The following OLFM3 variants were observed in gnomAD, a reference collection of about 807,000 sequenced individuals.
The protein encoded by OLFM3 is noelin-3.
Under a neutral mutation model 48.6 loss-of-function variants are expected in OLFM3, and 20 were observed. That is an observed-to-expected ratio of 0.41 (90% CI 0.29 to 0.60). The LOEUF is 0.60. Among genes scored for constraint, OLFM3 ranks in the 20% least tolerant of loss-of-function variants. OLFM3 has a pLI of 0.28. For synonymous variants in OLFM3, 222 were observed against 198.1 expected, an observed-to-expected ratio of 1.12 and a Z score of -1.01; for missense variants, 437 against 544.3, an observed-to-expected ratio of 0.80 and a Z score of 1.96.
Position 101,942,783 on chromosome 1 carries a change from A to T in OLFM3, c.69+53965T>A, listed in dbSNP as rs76919881. 6.6e-3 allele frequency among the ~76,000 whole-genome samples: 1,003 copies of T among 152,332 alleles called. 13 individuals are homozygous for T. The highest frequency in any genetic ancestry group is 0.023 in the African/African-American group (955 of 41,562). On this transcript the variant is annotated intron_variant, in intron 1 of 5. Transcript: ENST00000370103. The stretch of plus-strand genomic sequence containing the variant: ...AGTGACATTTGAATAATAGCATTGC[A>T]TTAAGAGAAGCCAAATTTCCATTCT...
chr1:101,949,597 T>A (rs1000897654), intron 1 of OLFM3, among the ~76,000 whole-genome samples: 1 of 152,084 alleles, frequency 6.6e-6, no homozygotes, highest in African/African-American at 2.4e-5. Context: ...AGTGACCTTT[T>A]TATAACAAAA....
intron 1 of OLFM3, among the ~76,000 whole-genome samples, chr1:101,892,581 C>T (rs978435135): frequency 3.9e-5 from 6 of 152,052 alleles, no homozygotes; most frequent in African/African-American, 1.2e-4. Flanking sequence ...TTCCTCCTCT[C>T]CCATTGCCAC....
At chr1:101,899,440 G>C (rs1298031008) in intron 1 of OLFM3, among the ~76,000 whole-genome samples, 1 of 152,134 alleles carries the variant, frequency 6.6e-6, no homozygotes, top group East Asian at 1.9e-4. Context: ...AATATTTAAG[G>C]CATAATTTTA....
intron 1 of OLFM3, among the ~76,000 whole-genome samples, chr1:101,971,459 G>T (rs1252524411): frequency 2.6e-5 from 4 of 152,130 alleles, no homozygotes; most frequent in Non-Finnish European, 5.9e-5. Context: ...CAAGTCTTCT[G>T]GTAAACTCAT....
At position 101,877,611 on chromosome 1, in the gene OLFM3, G is replaced by A. The variant is rs1218191896; in HGVS notation, c.70-40586C>T. ...TGGAATAGGAGAAGAAAGAGGGAAT[G>A]ATAAACAGGTAAAACCTACTTTGGG... On this transcript the variant is annotated intron_variant, in intron 1 of 5. Transcript: ENST00000370103. 1.2e-4 allele frequency among the ~76,000 whole-genome samples: 18 copies of A among 151,782 alleles called. No individual in the cohort carries two copies. In the East Asian group the frequency reaches 3.5e-3, roughly 29 times the overall value.
chr1:101,901,412 G>A (rs1198574756), intron 1 of OLFM3, among the ~76,000 whole-genome samples: 1 of 152,024 alleles, frequency 6.6e-6, no homozygotes, highest in East Asian at 1.9e-4. Flanking sequence ...TACTGTACAT[G>A]GGACATGGAA....
rs71720190 is a variant in OLFM3, at chr1:101,895,970, G to GTAATAATAA, written c.70-58954_70-58946dup. ...ACCAAATAATCCATTTAAAACATAG[G>GTAATAATAA]TAATAATAATAATAATAATAATAAT... On this transcript the variant is annotated intron_variant, in intron 1 of 5. Transcript: ENST00000370103. Among the ~76,000 whole-genome samples, 1,067 of 145,044 alleles carry GTAATAATAA rather than the reference G, an allele frequency of 7.4e-3. 13 individuals are homozygous for GTAATAATAA. The highest frequency in any genetic ancestry group is 0.021 in the African/African-American group (837 of 39,908).
chr1:101,986,403 A>G (rs1404740192), intron 1 of OLFM3, among the ~76,000 whole-genome samples: 1 of 152,180 alleles, frequency 6.6e-6, no homozygotes, highest in Non-Finnish European at 1.5e-5. Context: ...GCCCAGGGCC[A>G]TACAACTAGA....
At chr1:101,962,603 T>G (rs1315427146) in intron 1 of OLFM3, among the ~76,000 whole-genome samples, 1 of 152,160 alleles carries the variant, frequency 6.6e-6, no homozygotes. Flanking sequence ...GCTTTTTACA[T>G]TTTGATCAAA....
intron 1 of OLFM3, among the ~76,000 whole-genome samples, chr1:101,904,893 A>G (rs2101021996): frequency 6.6e-6 from 1 of 152,062 alleles, no homozygotes; most frequent in East Asian, 1.9e-4. Flanking sequence ...GTCTCAGATA[A>G]CTCCCTTTCA....
chr1:101,907,278 T>A (rs1318565407), intron 1 of OLFM3, among the ~76,000 whole-genome samples: 1 of 152,204 alleles, frequency 6.6e-6, no homozygotes, highest in African/African-American at 2.4e-5. Context: ...ACAACCCACA[T>A]ATACAAACAT....
At chr1:101,882,005 G>A (rs1249345800) in intron 1 of OLFM3, among the ~76,000 whole-genome samples, 1 of 150,784 alleles carries the variant, frequency 6.6e-6, no homozygotes, top group Non-Finnish European at 1.5e-5. Context: ...CATACTGTTG[G>A]ATGCTTATAA....
intron 4 of OLFM3, among the ~76,000 whole-genome samples, chr1:101,816,089 G>C (rs1376753705): frequency 6.6e-6 from 1 of 152,174 alleles, no homozygotes. Context: ...ACACCACTAA[G>C]ATGTCTAGCA....
At chr1:101,930,706 C>A (rs1270438798) in intron 1 of OLFM3, among the ~76,000 whole-genome samples, 1 of 152,152 alleles carries the variant, frequency 6.6e-6, no homozygotes, top group East Asian at 1.9e-4. Flanking sequence ...CACTACTACT[C>A]AAGGGAGATC....
rs80185859 is a variant in OLFM3 at position 101,805,787 on chromosome 1, A to G, written c.699+289T>C. Among the ~76,000 whole-genome samples, 867 of 151,866 alleles carry G rather than the reference A, an allele frequency of 5.7e-3. 9 individuals carry two copies. The highest frequency in any genetic ancestry group is 0.02 in the African/African-American group (810 of 41,490). On this transcript the variant is annotated intron_variant, in intron 5 of 5. Coordinates refer to ENST00000370103, the MANE Select transcript of OLFM3 (RefSeq NM_058170.4). ...AGTGCTATGTTTTCATACTAAACAT[A>G]TTTTAGAAAGAGTATACAGGAAATT...
At chr1:101,943,349 A>C (rs1415110) in intron 1 of OLFM3, among the ~76,000 whole-genome samples, 60,990 of 151,944 alleles carry the variant, frequency 0.4, 12,524 homozygotes, top group East Asian at 0.51. Context: ...TGTCCTACAG[A>C]TTTCAAATTT....
intron 4 of OLFM3, among the ~76,000 whole-genome samples, chr1:101,806,705 CA>C (rs1653794265): frequency 6.6e-6 from 1 of 151,646 alleles, no homozygotes; most frequent in Admixed American, 6.6e-5. Context: ...AACATTCAAT[CA>C]CAGTCTATAA....
chr1:101,821,611 T>TA (rs1654610666), intron 4 of OLFM3, among the ~76,000 whole-genome samples: 1 of 152,036 alleles, frequency 6.6e-6, no homozygotes, highest in Non-Finnish European at 1.5e-5. Flanking sequence ...GTTGGGATAG[T>TA]AAAAACTAAC....
intron 1 of OLFM3, among the ~76,000 whole-genome samples, chr1:101,840,277 C>T (rs1265889877): frequency 6.6e-6 from 1 of 152,034 alleles, no homozygotes; most frequent in Non-Finnish European, 1.5e-5. Flanking sequence ...TGTGCTATTG[C>T]TTTCGAATAT....
Sources: allele counts gnomAD v4.1 joint callset (sites outside exome capture counted in the v4.1 genomes callset), GRCh38; gene constraint gnomAD v4.1.1; transcripts MANE v1.5; gene names NCBI Gene and HGNC (gene_info 2026-07-23, HGNC 2026-07-21).